GNAQ: variants seen among roughly 807,000 people sequenced by gnomAD.
GNAQ encodes the protein G protein subunit alpha q, also known as guanine nucleotide-binding protein G(q) subunit alpha.
Under a neutral mutation model 43.9 loss-of-function variants are expected in GNAQ, and 8 were observed. The observed-to-expected ratio is 0.18, with a 90% CI of 0.11 to 0.33. GNAQ has a LOEUF of 0.33. Ranked by LOEUF, GNAQ falls within the 10% of genes least tolerant of loss-of-function variation. GNAQ has a pLI of 1.00. For missense variants in GNAQ, 158 were observed against 450.8 expected (o/e 0.35, Z 5.88); for synonymous variants, 155 against 170.7 (o/e 0.91, Z 0.71).
intron 6 of GNAQ, among the ~76,000 whole-genome samples, chr9:77,728,036 C>T (rs1248250966): frequency 6.6e-6 from 1 of 151,802 alleles, no homozygotes; most frequent in Non-Finnish European, 1.5e-5. Context: ...TGCTCTGTTG[C>T]CAGGCTGGAG....
chr9:77,968,998 A>T (rs1448172408), intron 1 of GNAQ, among the ~76,000 whole-genome samples: 2 of 152,228 alleles, frequency 1.3e-5, no homozygotes, highest in East Asian at 3.8e-4. Flanking sequence ...CGGAGCCAAG[A>T]GCTTACTCCA....
intron 2 of GNAQ, among the ~76,000 whole-genome samples, chr9:77,905,930 G>A (rs940224828): frequency 6.6e-6 from 1 of 152,114 alleles, no homozygotes; most frequent in African/African-American, 2.4e-5. Context: ...GGAGCTGTCA[G>A]GGGGTGGGAG....
chr9:77,821,882 T>A (rs950414165), intron 2 of GNAQ, among the ~76,000 whole-genome samples: 2 of 152,144 alleles, frequency 1.3e-5, no homozygotes, highest in Non-Finnish European at 2.9e-5. Context: ...TCATTAAAAT[T>A]CAAAACAATT....
intron 2 of GNAQ, among the ~76,000 whole-genome samples, chr9:77,845,086 GT>G (rs771698183): frequency 3.3e-5 from 5 of 151,630 alleles, no homozygotes; most frequent in Non-Finnish European, 5.9e-5. Flanking sequence ...CATGAAATTA[GT>G]TTTTTTTTAA....
At chr9:77,873,938 T>C (rs986553342) in intron 2 of GNAQ, among the ~76,000 whole-genome samples, 1 of 151,798 alleles carries the variant, frequency 6.6e-6, no homozygotes, top group African/African-American at 2.4e-5. Context: ...AAATCCTGTC[T>C]CTACTAGAAA....
At chr9:77,926,199 C>G (rs1308929985) in intron 1 of GNAQ, among the ~76,000 whole-genome samples, 2 of 152,088 alleles carry the variant, frequency 1.3e-5, no homozygotes, top group African/African-American at 4.8e-5. Context: ...ATGTGTAAGC[C>G]AAATTTCATG....
At chr9:77,818,372 A>G (rs1827054723) in intron 2 of GNAQ, among the ~76,000 whole-genome samples, 1 of 152,134 alleles carries the variant, frequency 6.6e-6, no homozygotes, top group Non-Finnish European at 1.5e-5. Context: ...ACAGCATTTT[A>G]CAAAATATAT....
chr9:77,858,795 T>G lies in GNAQ; in HGVS notation c.322-43025A>C, dbSNP rs539604397. 3.9e-5 allele frequency among the ~76,000 whole-genome samples: 6 copies of G among 152,170 alleles called. No homozygotes were observed. The South Asian group carries it at 1.2e-3, about 32-fold the overall frequency. ...CCCACTGACCATCTTGGCCATTCTC[T>G]GAGCTGCAGCTATCACCTGTACACA... is the stretch of plus-strand genomic sequence containing the variant. On this transcript the variant is annotated intron_variant, in intron 2 of 6. Coordinates refer to ENST00000286548, the MANE Select transcript of GNAQ (RefSeq NM_002072.5).
intron 2 of GNAQ, among the ~76,000 whole-genome samples, chr9:77,856,092 T>C (rs1827750136): frequency 6.6e-6 from 1 of 152,234 alleles, no homozygotes; most frequent in Non-Finnish European, 1.5e-5. Flanking sequence ...TTTTATATTT[T>C]GGCATGGGTA....
intron 1 of GNAQ, among the ~76,000 whole-genome samples, chr9:78,012,395 G>A (rs1823784412): frequency 2.0e-5 from 3 of 152,072 alleles, no homozygotes; most frequent in Non-Finnish European, 2.9e-5. Flanking sequence ...GCGCCATACA[G>A]ATAGAGTTTC....
At chr9:77,955,355 C>G (rs918346261) in intron 1 of GNAQ, among the ~76,000 whole-genome samples, 3 of 152,070 alleles carry the variant, frequency 2.0e-5, no homozygotes, top group Admixed American at 1.3e-4. Flanking sequence ...CTTGGCCAGG[C>G]TGGTTTTGAA....
chr9:77,990,416 C>G (rs1823494243), intron 1 of GNAQ, among the ~76,000 whole-genome samples: 1 of 152,120 alleles, frequency 6.6e-6, no homozygotes, highest in African/African-American at 2.4e-5. Flanking sequence ...AGAGACAAGT[C>G]TCACTATGTT....
intron 2 of GNAQ, among the ~76,000 whole-genome samples, chr9:77,875,467 C>T (rs2118043808): frequency 6.6e-6 from 1 of 152,322 alleles, no homozygotes; most frequent in African/African-American, 2.4e-5. Context: ...GGGTGTTCAC[C>T]ACAGGCAGGT....
chr9:77,961,689 A>G (rs1823109230), intron 1 of GNAQ, among the ~76,000 whole-genome samples: 1 of 152,184 alleles, frequency 6.6e-6, no homozygotes, highest in Admixed American at 6.5e-5. Flanking sequence ...CAAGACTACA[A>G]ATTACTGAAG....
intron 2 of GNAQ, among the ~76,000 whole-genome samples, chr9:77,836,166 G>A (rs906159288): frequency 6.6e-6 from 1 of 151,978 alleles, no homozygotes; most frequent in Non-Finnish European, 1.5e-5. Context: ...AATTAGGCCT[G>A]CAAGCCTTCT....
In GNAQ at chr9:77,800,039, T is replaced by G. The variant is rs373799269; in HGVS notation, c.477-2391A>C. On this transcript the variant is annotated intron_variant, in intron 3 of 6. Transcript: ENST00000286548. Reference sequence around the variant, plus strand: ...ATAAGAGTTAGACGAGCCCATGTTCTGGGAAGGGATCTGTATTTCACTCTA... The same window carrying G: ...ATAAGAGTTAGACGAGCCCATGTTCGGGGAAGGGATCTGTATTTCACTCTA... Among the ~76,000 whole-genome samples the G allele has an allele frequency of 9.8e-4, 150 of 152,328 alleles. 2 individuals are homozygous for G. Among genetic ancestry groups the G allele is most frequent in the Middle Eastern group, 3.4e-3 (1 of 294 alleles).
In GNAQ at chr9:77,971,111, G is replaced by A. The variant is rs144524345; in HGVS notation, c.137-48766C>T. Among the ~76,000 whole-genome samples, 792 of 152,200 alleles carry A rather than the reference G, an allele frequency of 5.2e-3. 4 individuals carry two copies. Among genetic ancestry groups the A allele is most frequent in the Non-Finnish European group, 8.4e-3 (573 of 68,002 alleles). On this transcript the variant is annotated intron_variant, in intron 1 of 6. Coordinates refer to ENST00000286548, the MANE Select transcript of GNAQ (RefSeq NM_002072.5). ...TGAATCCCTGAATAGACCAATAACA[G>A]GTTCTGAAATTGAGGCAATAATTAA...
chr9:77,840,062 C>A (rs565218871), intron 2 of GNAQ, among the ~76,000 whole-genome samples: 1 of 152,138 alleles, frequency 6.6e-6, no homozygotes, highest in African/African-American at 2.4e-5. Context: ...GGAACCCGTG[C>A]GTTTTCCTCT....
intron 3 of GNAQ, among the ~76,000 whole-genome samples, chr9:77,802,017 A>G (rs1826751180): frequency 6.6e-6 from 1 of 152,060 alleles, no homozygotes; most frequent in Admixed American, 6.5e-5. Context: ...AAATACAAAA[A>G]TTAACTGGGT....
Sources: allele counts gnomAD v4.1 joint callset (sites outside exome capture counted in the v4.1 genomes callset), GRCh38; gene constraint gnomAD v4.1.1; transcripts MANE v1.5; gene names NCBI Gene and HGNC (gene_info 2026-07-23, HGNC 2026-07-21).